Variants in ARB2A observed in about 807,000 individuals in gnomAD.
ARB2A encodes the protein cotranscriptional regulator ARB2A.
chr5:94,008,738 T>G, the ARB2A span, among the ~76,000 whole-genome samples: 1 of 152,158 alleles, frequency 6.6e-6, no homozygotes, highest in Non-Finnish European at 1.5e-5. Context: ...ATCTGTATGC[T>G]TTTCTTCACA....
the ARB2A span, among the ~76,000 whole-genome samples, chr5:93,851,299 T>A: frequency 2.0e-5 from 3 of 152,330 alleles, no homozygotes; most frequent in Non-Finnish European, 4.4e-5. Context: ...TTTGCATTCC[T>A]ATGTATTTTA....
At chr5:93,645,507 G>A in the ARB2A span, among the ~76,000 whole-genome samples, 3 of 151,864 alleles carry the variant, frequency 2.0e-5, no homozygotes, top group South Asian at 6.2e-4. Flanking sequence ...CCAGGAGGTG[G>A]AGGTTGCAGT....
the ARB2A span, among the ~76,000 whole-genome samples, chr5:93,953,882 C>G: frequency 6.6e-6 from 1 of 152,102 alleles, no homozygotes; most frequent in African/African-American, 2.4e-5. Flanking sequence ...TTTCCACAAG[C>G]AGCAGTTTCT....
At chr5:94,078,750 G>T in the ARB2A span, among the ~76,000 whole-genome samples, 1 of 151,868 alleles carries the variant, frequency 6.6e-6, no homozygotes, top group Non-Finnish European at 1.5e-5. Flanking sequence ...GATATAGTAG[G>T]TTTGGAATGA....
the ARB2A span, among the ~76,000 whole-genome samples, chr5:93,818,975 C>G: frequency 8.9e-3 from 1,345 of 151,844 alleles, 19 homozygotes; most frequent in African/African-American, 0.031. Flanking sequence ...ATCACGAGGT[C>G]AGGAGATCGA....
the ARB2A span, among the ~76,000 whole-genome samples, chr5:93,661,840 T>C: frequency 6.6e-6 from 1 of 151,938 alleles, no homozygotes; most frequent in South Asian, 2.1e-4. Flanking sequence ...TGGATGATTG[T>C]GGCTGAAAAG....
At chr5:94,077,944 T>C in the ARB2A span, among the ~76,000 whole-genome samples, 1 of 152,238 alleles carries the variant, frequency 6.6e-6, no homozygotes, top group African/African-American at 2.4e-5. Flanking sequence ...GAATCTACTA[T>C]GTATAAAGCT....
chr5:93,750,904 T>C, the ARB2A span, among the ~76,000 whole-genome samples: 2 of 152,270 alleles, frequency 1.3e-5, no homozygotes, highest in African/African-American at 4.8e-5. Flanking sequence ...TCATATATAT[T>C]AATATTGACA....
chr5:93,685,601 A>C, the ARB2A span, among the ~76,000 whole-genome samples: 6 of 152,338 alleles, frequency 3.9e-5, no homozygotes, highest in East Asian at 1.2e-3. Flanking sequence ...TGGTTCTAAA[A>C]AATCTTAGCT....
chr5:94,100,218 G>C, the ARB2A span, among the ~76,000 whole-genome samples: 1 of 152,084 alleles, frequency 6.6e-6, no homozygotes, highest in Non-Finnish European at 1.5e-5. Flanking sequence ...ACCTAGGAAT[G>C]CAGTTAATCA....
chr5:93,687,682 C>CATAT, the ARB2A span, among the ~76,000 whole-genome samples: 1 of 152,094 alleles, frequency 6.6e-6, no homozygotes, highest in Non-Finnish European at 1.5e-5. Flanking sequence ...GGACAATGTG[C>CATAT]ATATGAGTCT....
At chr5:93,654,732 T>C in the ARB2A span, among the ~76,000 whole-genome samples, 1 of 152,228 alleles carries the variant, frequency 6.6e-6, no homozygotes, top group Non-Finnish European at 1.5e-5. Context: ...TATCATTACT[T>C]TGCTGTGTAG....
At chr5:93,997,197 C>G in the ARB2A span, among the ~76,000 whole-genome samples, 1 of 151,950 alleles carries the variant, frequency 6.6e-6, no homozygotes, top group Non-Finnish European at 1.5e-5. Context: ...CATCAAATCA[C>G]CATCACTAAA....
chr5:93,846,081 G>A, the ARB2A span, among the ~76,000 whole-genome samples: 1 of 151,422 alleles, frequency 6.6e-6, no homozygotes, highest in East Asian at 1.9e-4. Flanking sequence ...TTGTGACTTT[G>A]ACTTACCATC....
At chr5:93,726,452 A>G in the ARB2A span, among the ~76,000 whole-genome samples, 2 of 151,914 alleles carry the variant, frequency 1.3e-5, no homozygotes, top group East Asian at 3.9e-4. Context: ...TTTCTCTAGG[A>G]TTATGCTGAA....
chr5:93,772,814 C>T, the ARB2A span, among the ~76,000 whole-genome samples: 2 of 152,180 alleles, frequency 1.3e-5, no homozygotes, highest in Non-Finnish European at 2.9e-5. Context: ...CAGCTTACAA[C>T]CTGGCAGCTG....
the ARB2A span, among the ~76,000 whole-genome samples, chr5:93,696,288 C>G: frequency 6.6e-6 from 1 of 152,182 alleles, no homozygotes; most frequent in East Asian, 1.9e-4. Context: ...ATGCATCTGT[C>G]AACCTCCTTT....
the ARB2A span, among the ~76,000 whole-genome samples, chr5:93,644,088 G>T: frequency 7.9e-5 from 12 of 152,216 alleles, no homozygotes; most frequent in African/African-American, 2.7e-4. Context: ...AAGGCAGGAA[G>T]TTTGTTTTGT....
At chr5:93,623,548 TG>T in the ARB2A span, among the ~76,000 whole-genome samples, 4 of 152,334 alleles carry the variant, frequency 2.6e-5, no homozygotes, top group African/African-American at 7.2e-5. Context: ...CAGATTTCCC[TG>T]GTGATAAAAT....
Sources: allele counts gnomAD v4.1 joint callset (sites outside exome capture counted in the v4.1 genomes callset), GRCh38; gene constraint gnomAD v4.1.1; transcripts MANE v1.5; gene names NCBI Gene and HGNC (gene_info 2026-07-23, HGNC 2026-07-21).